SLC4A10: variants seen among roughly 807,000 people sequenced by gnomAD.
SLC4A10 encodes sodium-driven chloride bicarbonate exchanger.
SLC4A10 carries 42 observed loss-of-function variants against 137.7 expected under a neutral mutation model. That is an observed-to-expected ratio of 0.30 (90% CI 0.24 to 0.39). SLC4A10 has a LOEUF of 0.39. Among genes scored for constraint, SLC4A10 ranks in the 10% least tolerant of loss-of-function variants. The pLI, the probability that SLC4A10 is intolerant of heterozygous loss-of-function variation, is 1.00. For synonymous variants in SLC4A10, 474 were observed against 464.1 expected (o/e 1.02, Z -0.27); for missense variants, 925 against 1,355.0 (o/e 0.68, Z 4.98).
chr2:161,649,212 AC>A (rs1191617021), intron 1 of SLC4A10, among the ~76,000 whole-genome samples: 1 of 152,164 alleles, frequency 6.6e-6, no homozygotes, highest in Non-Finnish European at 1.5e-5. Flanking sequence ...TACAAAAAAT[AC>A]AGAAAATTAG....
intron 12 of SLC4A10, among the ~76,000 whole-genome samples, chr2:161,902,988 C>A (rs1412783838): frequency 6.6e-6 from 1 of 152,142 alleles, no homozygotes; most frequent in Non-Finnish European, 1.5e-5. Context: ...CATGTAGGAA[C>A]TTATTCATAG....
chr2:161,937,982 A>G (rs1192984489), intron 15 of SLC4A10, among the ~76,000 whole-genome samples: 1 of 152,116 alleles, frequency 6.6e-6, no homozygotes, highest in Non-Finnish European at 1.5e-5. Context: ...TCAAGCTTTT[A>G]AAGTATCAGG....
intron 1 of SLC4A10, among the ~76,000 whole-genome samples, chr2:161,751,258 A>C (rs922037744): frequency 1.3e-5 from 2 of 151,070 alleles, no homozygotes; most frequent in African/African-American, 2.4e-5. Context: ...ATTATTGCCA[A>C]GTAGTATTTA....
chr2:161,746,421 G>A (rs1286675667), intron 1 of SLC4A10, among the ~76,000 whole-genome samples: 2 of 152,042 alleles, frequency 1.3e-5, no homozygotes, highest in South Asian at 4.2e-4. Context: ...TTTATTCAAG[G>A]CCCAAGGACT....
chr2:161,797,317 T>G (rs535160284), intron 2 of SLC4A10, among the ~76,000 whole-genome samples: 29 of 152,096 alleles, frequency 1.9e-4, no homozygotes, highest in Non-Finnish European at 1.9e-4. Context: ...GCTTATTGTT[T>G]AAGAGCAACT....
intron 11 of SLC4A10, among the ~76,000 whole-genome samples, chr2:161,895,555 C>T (rs2063386565): frequency 6.6e-6 from 1 of 152,158 alleles, no homozygotes; most frequent in Non-Finnish European, 1.5e-5. Flanking sequence ...CCTATTTCTG[C>T]ACATCCTCTC....
chr2:161,973,137 T>C (rs1019965183), intron 23 of SLC4A10, among the ~76,000 whole-genome samples: 1 of 152,154 alleles, frequency 6.6e-6, no homozygotes, highest in African/African-American at 2.4e-5. Context: ...TTCAGGGCCA[T>C]CCCTTTTTTC....
intron 3 of SLC4A10, among the ~76,000 whole-genome samples, chr2:161,815,652 T>C (rs2056986097): frequency 6.6e-6 from 1 of 152,120 alleles, no homozygotes; most frequent in Non-Finnish European, 1.5e-5. Flanking sequence ...TTAAAAAAAT[T>C]ATTGATGCTA....
chr2:161,639,121 G>A (rs1426981427), intron 1 of SLC4A10, among the ~76,000 whole-genome samples: 1 of 152,174 alleles, frequency 6.6e-6, no homozygotes, highest in South Asian at 2.1e-4. Context: ...CAAGTAATGA[G>A]ATTGAATCAG....
At chr2:161,864,374 T>A (rs558913163) in intron 6 of SLC4A10, among the ~76,000 whole-genome samples, 2 of 152,324 alleles carry the variant, frequency 1.3e-5, no homozygotes, top group Non-Finnish European at 2.9e-5. Flanking sequence ...TTAAATAAAA[T>A]GTATGAAAAT....
intron 11 of SLC4A10, among the ~76,000 whole-genome samples, chr2:161,900,007 T>G (rs552774926): frequency 1.7e-4 from 26 of 152,264 alleles, no homozygotes; most frequent in Admixed American, 8.5e-4. Flanking sequence ...TTGTTTTTCA[T>G]GTTTACACTA....
intron 2 of SLC4A10, among the ~76,000 whole-genome samples, chr2:161,779,868 A>T (rs966247522): frequency 6.6e-6 from 1 of 152,022 alleles, no homozygotes; most frequent in Non-Finnish European, 1.5e-5. Flanking sequence ...TTCAGACTTT[A>T]ATGTTCATTA....
chr2:161,953,575 C>G (rs569436891), intron 19 of SLC4A10, among the ~76,000 whole-genome samples: 1 of 151,944 alleles, frequency 6.6e-6, no homozygotes, highest in South Asian at 2.1e-4. Flanking sequence ...GCCATTGCAC[C>G]CTGGCCTGGG....
chr2:161,651,869 C>A (rs1221962817), intron 1 of SLC4A10, among the ~76,000 whole-genome samples: 1 of 152,178 alleles, frequency 6.6e-6, no homozygotes, highest in East Asian at 1.9e-4. Context: ...GCCGAGTGCA[C>A]CTGCTCAGCT....
At chr2:161,806,511 T>C (rs2055976760) in intron 3 of SLC4A10, among the ~76,000 whole-genome samples, 1 of 152,192 alleles carries the variant, frequency 6.6e-6, no homozygotes, top group African/African-American at 2.4e-5. Flanking sequence ...TCTTGAATGC[T>C]TTGCTGCTTA....
rs1250774750 is a variant in SLC4A10, at chr2:161,930,872, A to C, written c.1998-11920A>C. Among the ~76,000 whole-genome samples, 8 of 151,942 alleles carry C rather than the reference A, an allele frequency of 5.3e-5. No homozygotes were observed. The East Asian group carries it at 1.5e-3, about 29-fold the overall frequency. On this transcript the variant is annotated intron_variant, in intron 15 of 26. Transcript: ENST00000446997. The stretch of plus-strand genomic sequence containing the variant: ...TGACAAAGTAGATAAGATCTCTGGT[A>C]AGATCTAATCTTCATCTCATTCTGC...
chr2:161,676,491 T>G (rs191593348), intron 1 of SLC4A10, among the ~76,000 whole-genome samples: 67 of 152,318 alleles, frequency 4.4e-4, no homozygotes, highest in African/African-American at 1.6e-3. Context: ...TGGTAATATT[T>G]GGTTATCTTT....
chr2:161,879,368 T>C (rs1465601078), intron 9 of SLC4A10, 80 bp downstream of exon 9: 1 of 1,401,876 alleles, frequency 7.1e-7, no homozygotes, highest in Non-Finnish European at 9.6e-7. Flanking sequence ...AATGTAATTT[T>C]CTGTTAGAGT....
chr2:161,804,335 T>A (rs1157215338), intron 2 of SLC4A10, 114 bp from the exon 3 acceptor site: 1 of 1,191,424 alleles, frequency 8.4e-7, no homozygotes, highest in Admixed American at 2.8e-5. Flanking sequence ...ATCATAAACA[T>A]CAAAAATGAC....
Sources: gnomAD v4.1 joint callset for allele counts (sites outside exome capture counted in the v4.1 genomes callset) on GRCh38, gnomAD v4.1.1 for gene constraint, MANE v1.5 for transcripts, NCBI Gene and HGNC (gene_info 2026-07-23, HGNC 2026-07-21) for gene names.